Variants in ESF1 observed in about 807,000 individuals in gnomAD.
The protein encoded by ESF1 is ESF1 nucleolar pre-rRNA processing protein.
Under a neutral mutation model 92.0 loss-of-function variants are expected in ESF1, and 58 were observed. That is an observed-to-expected ratio of 0.63 (90% CI 0.51 to 0.78). The LOEUF is 0.78. ESF1 is among the 30% of genes least tolerant of loss of function. The probability of loss-of-function intolerance (pLI) is 0.00; values close to 1 mark genes in which losing one functional copy is unlikely to be tolerated. For synonymous variants in ESF1, 321 were observed against 313.7 expected, an observed-to-expected ratio of 1.02 and a Z score of -0.24; for missense variants, 922 against 989.1, an observed-to-expected ratio of 0.93 and a Z score of 0.91.
rs755322749 is a variant in ESF1, at chr20:13,766,818, G to C, written c.1625C>G (p.Ser542Cys). Residue 542 changes from serine (S) to cysteine (C), a missense_variant, in exon 8 of 14, where the codon TCC becomes TGC. Physicochemically the swap from Ser to Cys is moderately radical, Grantham distance 112. Transcript: ENST00000617257. ...TATCTCCTCTTCATCTTCACTAGAG[G>C]AAGCTAAGTAGGCTTGAAAATCCAT... is the stretch of plus-strand genomic sequence containing the variant. ...LDMDFQAYLA[S>C]SSEDEEEIEE... 1.9e-6 allele frequency: 3 copies of C among 1,613,826 alleles called. No homozygotes were observed. The highest frequency in any genetic ancestry group is 2.2e-5 in the South Asian group (2 of 91,062).
At chr20:13,724,979 C>T (rs1490837049) in intron 11 of ESF1, among the ~76,000 whole-genome samples, 1 of 152,202 alleles carries the variant, frequency 6.6e-6, no homozygotes, top group African/African-American at 2.4e-5. Flanking sequence ...GCCACATGTT[C>T]TATGGTTTTG....
At chr20:13,748,352 C>G (rs747279724) in intron 9 of ESF1, among the ~76,000 whole-genome samples, 1 of 151,304 alleles carries the variant, frequency 6.6e-6, no homozygotes, top group East Asian at 1.9e-4. Flanking sequence ...GTTCCTGATA[C>G]AGCACAAGCA....
At chr20:13,727,631 C>T (rs1400135021) in intron 11 of ESF1, among the ~76,000 whole-genome samples, 1 of 152,040 alleles carries the variant, frequency 6.6e-6, no homozygotes, top group Non-Finnish European at 1.5e-5. Flanking sequence ...ACTGACTTAC[C>T]AAGTATGGCC....
intron 11 of ESF1, among the ~76,000 whole-genome samples, chr20:13,719,299 A>G (rs572917804): frequency 2.6e-5 from 4 of 152,298 alleles, no homozygotes; most frequent in African/African-American, 9.6e-5. Flanking sequence ...GTCCATAAAC[A>G]TAAGAATACT....
intron 8 of ESF1, chr20:13,762,924 G>A (rs1476629591): frequency 1.2e-5 from 3 of 260,756 alleles, no homozygotes; most frequent in South Asian, 6.4e-5. Context: ...GCAGTGGCAC[G>A]ATCTCGGCTC....
chr20:13,748,566 GTGTGTGTGTA>G (rs1212180452), intron 9 of ESF1, among the ~76,000 whole-genome samples: 45 of 43,224 alleles, frequency 1.0e-3, no homozygotes, highest in Middle Eastern at 0.01. Context: ...ATATATATAT[GTGTGTGTGTA>G]TATATATATA....
intron 1 of ESF1, among the ~76,000 whole-genome samples, chr20:13,784,487 TAGAAGGAAAGCACTCATTATATGTCAG>T (rs1980538949): frequency 6.6e-6 from 1 of 152,162 alleles, no homozygotes; most frequent in African/African-American, 2.4e-5. Context: ...TGTAAATGTT[TAGAAGGAAAGCACTCATTATATGTCAG>T]ATAATCCGAG....
intron 11 of ESF1, among the ~76,000 whole-genome samples, chr20:13,722,000 C>T (rs942818738): frequency 1.3e-5 from 2 of 152,140 alleles, no homozygotes; most frequent in African/African-American, 4.8e-5. Context: ...TACCACTGCT[C>T]CTATGCTCTC....
intron 2 of ESF1, among the ~76,000 whole-genome samples, chr20:13,780,948 C>T (rs1980157138): frequency 6.6e-6 from 1 of 152,214 alleles, no homozygotes; most frequent in Admixed American, 6.5e-5. Context: ...CTACTGACCT[C>T]TTCTGAACAT....
chr20:13,724,060 C>T (rs372854816), intron 11 of ESF1, among the ~76,000 whole-genome samples: 3 of 152,076 alleles, frequency 2.0e-5, no homozygotes, highest in African/African-American at 7.2e-5. Context: ...TCTGGGAGGC[C>T]GAGGCGCGCG....
chr20:13,779,230 A>G (rs1980075650), intron 2 of ESF1, among the ~76,000 whole-genome samples: 1 of 152,052 alleles, frequency 6.6e-6, no homozygotes, highest in East Asian at 1.9e-4. Flanking sequence ...AAAAAAAACC[A>G]AAAAAACTGC....
At chr20:13,741,638 AAAC>A (rs1183965105) in intron 9 of ESF1, among the ~76,000 whole-genome samples, 1 of 152,256 alleles carries the variant, frequency 6.6e-6, no homozygotes, top group African/African-American at 2.4e-5. Flanking sequence ...ATATTAAAAA[AAAC>A]AACTCAAGGA....
At chr20:13,718,757 A>G in intron 12 of ESF1, 151 bp downstream of exon 12, 1 of 457,380 alleles carries the variant, frequency 2.2e-6, no homozygotes, top group Non-Finnish European at 3.7e-6. Flanking sequence ...TAGAAACTAC[A>G]CTGCTAAAAT....
At chr20:13,773,124 T>C (rs559935505) in intron 4 of ESF1, among the ~76,000 whole-genome samples, 21 of 152,326 alleles carry the variant, frequency 1.4e-4, no homozygotes, top group South Asian at 2.1e-4. Flanking sequence ...ATAGTCTCGA[T>C]ATAAGAAAAA....
At chr20:13,784,056 T>C (rs1281603882) in intron 1 of ESF1, among the ~76,000 whole-genome samples, 1 of 152,212 alleles carries the variant, frequency 6.6e-6, no homozygotes, top group East Asian at 1.9e-4. Flanking sequence ...AAAAGTAAAT[T>C]TGAGTCTCCA....
At chr20:13,720,277 G>A (rs17812441) in intron 11 of ESF1, among the ~76,000 whole-genome samples, 25,765 of 151,996 alleles carry the variant, frequency 0.17, 2,798 homozygotes, top group Non-Finnish European at 0.24. Flanking sequence ...ACCCATGAGA[G>A]CCAAGTGTGA....
intron 9 of ESF1, among the ~76,000 whole-genome samples, chr20:13,748,540 ATGTGTG>A (rs753070186): frequency 1.7e-5 from 2 of 117,462 alleles, no homozygotes; most frequent in Non-Finnish European, 3.5e-5. Flanking sequence ...ACACATATAT[ATGTGTG>A]TGTATATATA....
rs566841790 is a variant in ESF1 at position 13,715,035 on chromosome 20, G to A, written c.2395C>T (p.Arg799Trp). 10 of 1,613,506 alleles carry A rather than the reference G, an allele frequency of 6.2e-6. No homozygotes were observed. In the South Asian group the frequency reaches 6.6e-5, roughly 11 times the overall value. ...GCCTGAGTAAGTTCTTGTTCTTTCCGTTCTCTTTGCCGGGCCTTCTCCTCA... is the reference window on the plus strand; with the variant it reads ...GCCTGAGTAAGTTCTTGTTCTTTCCATTCTCTTTGCCGGGCCTTCTCCTCA... Reference protein sequence around the residue: ...ILEEKARQRERKEQELTQAIK... With the variant: ...ILEEKARQREWKEQELTQAIK... The change falls in exon 14 of 14, where the codon CGG becomes TGG. Residue 799 changes from arginine to tryptophan, a missense_variant. Physicochemically the swap from Arg to Trp is moderately radical, Grantham distance 101. Coordinates refer to ENST00000617257, the MANE Select transcript of ESF1 (RefSeq NM_001276380.2).
At chr20:13,718,401 T>C (rs1040116003) in intron 12 of ESF1, among the ~76,000 whole-genome samples, 1 of 152,210 alleles carries the variant, frequency 6.6e-6, no homozygotes, top group Non-Finnish European at 1.5e-5. Context: ...AAATTACGTG[T>C]GACTCTGGAC....
Sources: allele counts gnomAD v4.1 joint callset (sites outside exome capture counted in the v4.1 genomes callset), GRCh38; gene constraint gnomAD v4.1.1; transcripts MANE v1.5; gene names NCBI Gene and HGNC (gene_info 2026-07-23, HGNC 2026-07-21).